SOX6: variants seen among roughly 807,000 people sequenced by gnomAD.
SOX6 encodes the protein transcription factor SOX-6.
SOX6 carries 11 observed loss-of-function variants against 97.8 expected under a neutral mutation model. That is an observed-to-expected ratio of 0.11 (90% CI 0.07 to 0.19). SOX6 has a LOEUF of 0.19. SOX6 is among the 10% of genes least tolerant of loss of function. The probability of loss-of-function intolerance (pLI) is 1.00; values close to 1 mark genes in which losing one functional copy is unlikely to be tolerated. For synonymous variants in SOX6, 360 were observed against 371.4 expected, an observed-to-expected ratio of 0.97 and a Z score of 0.35; for missense variants, 810 against 1,039.5, an observed-to-expected ratio of 0.78 and a Z score of 3.04.
In SOX6 at chr11:16,365,200, T is replaced by C. The variant is rs556581275; in HGVS notation, c.-4-23948A>G. Among the ~76,000 whole-genome samples the C allele has an allele frequency of 2.0e-5, 3 of 151,898 alleles. No homozygotes were observed. The South Asian group carries it at 6.2e-4, about 31-fold the overall frequency. On this transcript the variant is annotated intron_variant, in intron 1 of 15. Coordinates refer to the SOX6 transcript ENST00000396356. ...TTGTGTGTATAGGAGAAAAACAGAGTACGGATAGGGTTCAGTACTATCTGT... is the reference window on the plus strand; with the variant it reads ...TTGTGTGTATAGGAGAAAAACAGAGCACGGATAGGGTTCAGTACTATCTGT...
intron 4 of SOX6, chr11:16,484,779 G>C: frequency 2.7e-6 from 1 of 376,984 alleles, no homozygotes; most frequent in Non-Finnish European, 4.9e-6. Context: ...AGTTGTCAAA[G>C]TTGAGACTGC....
At chr11:16,245,736 T>C (rs753765389) in intron 3 of SOX6, among the ~76,000 whole-genome samples, 32 of 151,786 alleles carry the variant, frequency 2.1e-4, no homozygotes, top group Middle Eastern at 7.4e-3. Context: ...TCTACTTTTA[T>C]ATTAATATAG....
At chr11:16,204,053 C>T (rs547146585) in intron 4 of SOX6, among the ~76,000 whole-genome samples, 13 of 151,894 alleles carry the variant, frequency 8.6e-5, no homozygotes, top group South Asian at 2.1e-4. Flanking sequence ...AGTCAATCCA[C>T]AATGTATACA....
intron 1 of SOX6, among the ~76,000 whole-genome samples, chr11:16,464,535 C>T (rs770906532): frequency 2.6e-5 from 4 of 151,830 alleles, no homozygotes; most frequent in East Asian, 1.9e-4. Flanking sequence ...ATTCATTACA[C>T]TGTAAGTCAC....
intron 6 of SOX6, among the ~76,000 whole-genome samples, chr11:16,177,713 T>C (rs1851237831): frequency 6.6e-6 from 1 of 150,974 alleles, no homozygotes; most frequent in Non-Finnish European, 1.5e-5. Context: ...AACATTAAAC[T>C]GAGCCCTCAA....
chr11:16,431,836 T>C lies in SOX6; in HGVS notation c.-5+44479A>G, dbSNP rs529170596. Among the ~76,000 whole-genome samples the C allele has an allele frequency of 1.4e-4, 22 of 152,234 alleles. 1 individual carries two copies. The highest frequency in any genetic ancestry group is 4.8e-4 in the African/African-American group (20 of 41,564). On this transcript the variant is annotated intron_variant, in intron 1 of 15. Transcript: ENST00000396356. The stretch of plus-strand genomic sequence containing the variant: ...TATTGAATTATACAAGGCATTATTA[T>C]CATGTTGACATTTTTACCATTAAAC...
At position 16,613,757 on chromosome 11, in the gene SOX6, C is replaced by G. The variant is rs1355317586; in HGVS notation, n.430-1497G>C. ...AGAGCATCGGGGAAACTAGACTGTTCCGTGGATGAACTGCGAGGATGCCGG... is the reference window on the plus strand; with the variant it reads ...AGAGCATCGGGGAAACTAGACTGTTGCGTGGATGAACTGCGAGGATGCCGG... On this transcript the variant is annotated intron_variant and non_coding_transcript_variant, in intron 3 of 5. Transcript: ENST00000524520. This position sits in a 1 kb window ranked among gnomAD's most constrained non-coding sequence, Gnocchi z 4.6. Among the ~76,000 whole-genome samples, 1 of 152,200 alleles carries G rather than the reference C, an allele frequency of 6.6e-6. No individual in the cohort carries two copies. Among genetic ancestry groups the G allele is most frequent in the Non-Finnish European group, 1.5e-5 (1 of 68,036 alleles).
chr11:16,359,008 A>G (rs1477220070), upstream of SOX6, among the ~76,000 whole-genome samples: 1 of 152,178 alleles, frequency 6.6e-6, no homozygotes, highest in Non-Finnish European at 1.5e-5. Flanking sequence ...GCAACTTCCC[A>G]TAGTCCACAG....
chr11:16,389,440 C>G (rs1192206973), intron 1 of SOX6, among the ~76,000 whole-genome samples: 2 of 152,130 alleles, frequency 1.3e-5, no homozygotes, highest in Admixed American at 1.3e-4. Flanking sequence ...TCACTGTCAT[C>G]TCTATTCTGC....
chr11:16,621,816 G>A (rs1848548994), intron 3 of SOX6, among the ~76,000 whole-genome samples: 1 of 152,064 alleles, frequency 6.6e-6, no homozygotes, highest in African/African-American at 2.4e-5. Flanking sequence ...ATTCCTCATA[G>A]GAGACATCCT....
intron 6 of SOX6, among the ~76,000 whole-genome samples, chr11:16,139,813 G>C (rs1211402130): frequency 2.6e-5 from 4 of 151,240 alleles, no homozygotes; most frequent in African/African-American, 9.7e-5. Context: ...TCTCTATATA[G>C]ATATGGACAT....
intron 4 of SOX6, among the ~76,000 whole-genome samples, chr11:16,500,488 G>C (rs915898309): frequency 2.6e-5 from 4 of 152,128 alleles, no homozygotes; most frequent in African/African-American, 9.7e-5. Context: ...AGGAAATAAA[G>C]GGTATTCAAT....
upstream of SOX6, among the ~76,000 whole-genome samples, chr11:16,480,027 A>T (rs1375074415): frequency 6.6e-6 from 1 of 152,112 alleles, no homozygotes; most frequent in Non-Finnish European, 1.5e-5. Context: ...CATTATATAA[A>T]TCTATATTTA....
At chr11:16,033,834 T>G (rs1855448447) in intron 12 of SOX6, among the ~76,000 whole-genome samples, 2 of 151,464 alleles carry the variant, frequency 1.3e-5, no homozygotes. Context: ...ATCGTGCCAT[T>G]GCACTCCAGC....
At chr11:16,458,014 A>G (rs1859845147) in intron 1 of SOX6, among the ~76,000 whole-genome samples, 1 of 152,044 alleles carries the variant, frequency 6.6e-6, no homozygotes, top group African/African-American at 2.4e-5. Flanking sequence ...ATGATAATAT[A>G]TATCATATAA....
rs556744122 is a variant in SOX6, at chr11:16,668,112, G to A, written n.429+46718C>T. Among the ~76,000 whole-genome samples the A allele has an allele frequency of 1.2e-4, 18 of 152,296 alleles. No homozygotes were observed. The South Asian group carries it at 1.9e-3, about 16-fold the overall frequency. On this transcript the variant is annotated intron_variant and non_coding_transcript_variant, in intron 3 of 5. Coordinates refer to the SOX6 transcript ENST00000524520. Reference sequence around the variant, plus strand: ...ACAACAGACCAGCGTGGTGGCTCACGTCTGTAATCCCAGAACTTTGGGAGG... The same window carrying A: ...ACAACAGACCAGCGTGGTGGCTCACATCTGTAATCCCAGAACTTTGGGAGG...
At chr11:16,302,619 G>GGA (rs1298782255) in intron 3 of SOX6, among the ~76,000 whole-genome samples, 1 of 124,584 alleles carries the variant, frequency 8.0e-6, no homozygotes, top group Non-Finnish European at 1.6e-5. Flanking sequence ...CACCCAGGCT[G>GGA]GAGTGCAGTG....
At chr11:16,197,994 A>T (rs1161192185) in intron 4 of SOX6, among the ~76,000 whole-genome samples, 1 of 152,038 alleles carries the variant, frequency 6.6e-6, no homozygotes, top group Non-Finnish European at 1.5e-5. Flanking sequence ...CATTCGTCAC[A>T]AATTCTTAGA....
At chr11:16,114,251 T>C (rs1346354636) in intron 6 of SOX6, among the ~76,000 whole-genome samples, 1 of 152,194 alleles carries the variant, frequency 6.6e-6, no homozygotes, top group Non-Finnish European at 1.5e-5. Flanking sequence ...GAGGATTTAC[T>C]AGGTGCCTCT....
Sources: gnomAD v4.1 joint callset for allele counts (sites outside exome capture counted in the v4.1 genomes callset) on GRCh38, gnomAD v4.1.1 for gene constraint, Gnocchi (gnomAD v3.1) non-coding constraint, MANE v1.5 for transcripts, NCBI Gene and HGNC (gene_info 2026-07-23, HGNC 2026-07-21) for gene names.